ESRRG: variants seen among roughly 807,000 people sequenced by gnomAD.
ESRRG encodes the protein estrogen related receptor gamma.
In ESRRG, 13 loss-of-function variants were observed where a neutral mutation model predicts 44.0. The observed-to-expected ratio is 0.30, with a 90% CI of 0.19 to 0.47. The LOEUF (loss-of-function observed/expected upper bound fraction) is 0.47. Ranked by LOEUF, ESRRG falls within the 20% of genes least tolerant of loss-of-function variation. The pLI, the probability that ESRRG is intolerant of heterozygous loss-of-function variation, is 1.00. For missense variants in ESRRG, 395 were observed against 580.6 expected, an observed-to-expected ratio of 0.68 and a Z score of 3.29; for synonymous variants, 215 against 214.6, an observed-to-expected ratio of 1.00 and a Z score of -0.02.
intron 1 of ESRRG, among the ~76,000 whole-genome samples, chr1:217,071,538 T>G (rs991907919): frequency 5.9e-5 from 9 of 152,196 alleles, no homozygotes; most frequent in African/African-American, 2.2e-4. Context: ...ACATGGTAAG[T>G]GAACAGTAAG....
intron 2 of ESRRG, among the ~76,000 whole-genome samples, chr1:216,775,963 T>C (rs1284528394): frequency 1.3e-5 from 2 of 152,034 alleles, no homozygotes; most frequent in African/African-American, 4.8e-5. Flanking sequence ...CCAACACCAT[T>C]GCAAAAGGCT....
intron 1 of ESRRG, among the ~76,000 whole-genome samples, chr1:216,946,481 G>A (rs2066075987): frequency 1.3e-5 from 2 of 152,102 alleles, no homozygotes; most frequent in Admixed American, 1.3e-4. Context: ...ACCCACATCT[G>A]CATGGATCAA....
intron 1 of ESRRG, among the ~76,000 whole-genome samples, chr1:217,021,347 G>A (rs1028607733): frequency 2.6e-5 from 4 of 152,152 alleles, no homozygotes; most frequent in Non-Finnish European, 4.4e-5. Context: ...GGCTCCTGCA[G>A]GGATCAAACC....
intron 5 of ESRRG, among the ~76,000 whole-genome samples, chr1:216,561,199 C>CT (rs2058668272): frequency 6.6e-6 from 1 of 152,010 alleles, no homozygotes; most frequent in Non-Finnish European, 1.5e-5. Context: ...CCTTCACTTT[C>CT]TTATAAAGAA....
At chr1:216,837,386 G>T (rs2095583183) in intron 2 of ESRRG, among the ~76,000 whole-genome samples, 1 of 146,250 alleles carries the variant, frequency 6.8e-6, no homozygotes, top group African/African-American at 2.6e-5. Context: ...ACTCCAGCCT[G>T]GGCAACACAG....
chr1:217,046,383 C>T (rs2084887256), intron 1 of ESRRG, among the ~76,000 whole-genome samples: 1 of 152,144 alleles, frequency 6.6e-6, no homozygotes, highest in Non-Finnish European at 1.5e-5. Context: ...TAGCCAAGTA[C>T]ACCTAAATTA....
chr1:217,075,589 T>C (rs368458085), intron 1 of ESRRG, among the ~76,000 whole-genome samples: 2,971 of 145,310 alleles, frequency 0.02, 51 homozygotes, highest in African/African-American at 0.047. Context: ...ATTGCTCCTT[T>C]CCCCCCCCCA....
At chr1:216,511,364 T>G (rs1054913433) in intron 6 of ESRRG, among the ~76,000 whole-genome samples, 8 of 152,232 alleles carry the variant, frequency 5.3e-5, no homozygotes, top group Middle Eastern at 3.4e-3. Context: ...CACTGGTTGA[T>G]TGCCATGTCA....
intron 2 of ESRRG, among the ~76,000 whole-genome samples, chr1:216,909,013 G>T (rs1396108179): frequency 6.6e-6 from 1 of 151,994 alleles, no homozygotes; most frequent in Non-Finnish European, 1.5e-5. Context: ...GTCATTTCAG[G>T]CCAGATCCTC....
chr1:216,570,926 C>T (rs1305494748), intron 3 of ESRRG, among the ~76,000 whole-genome samples: 1 of 152,176 alleles, frequency 6.6e-6, no homozygotes, highest in Non-Finnish European at 1.5e-5. Context: ...ACTACATATT[C>T]TCCAACCCAG....
chr1:216,806,800 G>A (rs570883265), intron 2 of ESRRG, among the ~76,000 whole-genome samples: 3 of 152,218 alleles, frequency 2.0e-5, no homozygotes, highest in Admixed American at 2.0e-4. Flanking sequence ...GACAGTGTTC[G>A]GCTGCCCTGG....
intron 1 of ESRRG, among the ~76,000 whole-genome samples, chr1:217,085,725 G>A (rs1171447133): frequency 2.0e-5 from 3 of 151,684 alleles, no homozygotes; most frequent in Non-Finnish European, 4.4e-5. Flanking sequence ...TCCTGACCTC[G>A]TGATCCACCC....
intron 1 of ESRRG, among the ~76,000 whole-genome samples, chr1:217,129,964 T>C (rs2092942494): frequency 6.6e-6 from 1 of 152,102 alleles, no homozygotes; most frequent in East Asian, 1.9e-4. Context: ...ATGATAAATG[T>C]GATGTTACGT....
intron 2 of ESRRG, among the ~76,000 whole-genome samples, chr1:216,742,157 A>C (rs1057253980): frequency 3.9e-5 from 6 of 152,184 alleles, no homozygotes; most frequent in Non-Finnish European, 5.9e-5. Flanking sequence ...TAACCTGAAC[A>C]CACCAAATGC....
rs577801781 is a variant in ESRRG at position 216,840,400 on chromosome 1, G to A, written c.-14+99182C>T. 3.3e-5 allele frequency among the ~76,000 whole-genome samples: 5 copies of A among 152,298 alleles called. No homozygotes were observed. The East Asian group carries it at 9.6e-4, about 29-fold the overall frequency. On this transcript the variant is annotated intron_variant, in intron 2 of 7. Transcript: ENST00000359162. ...GCTTTTGATTAGGCTTTGGCTTAAG[G>A]GAATGTTGTGGCTGGTTTGATCTTC...
rs149847497 is a variant in ESRRG, at chr1:216,662,133, TACA to T, written c.473-11047_473-11045del. ...TATTGATTATAATATTAGCAATAAT[TACA>T]ACATCATTACTGTACTCAGGGAAGG... On this transcript the variant is annotated intron_variant, in intron 2 of 6. Transcript: ENST00000408911. 9.3e-3 allele frequency among the ~76,000 whole-genome samples: 1,415 copies of T among 152,242 alleles called. 22 individuals are homozygous for T. Among genetic ancestry groups the T allele is most frequent in the African/African-American group, 0.032 (1,338 of 41,548 alleles).
intron 1 of ESRRG, among the ~76,000 whole-genome samples, chr1:216,997,333 C>T (rs891842218): frequency 2.6e-5 from 4 of 152,148 alleles, no homozygotes; most frequent in South Asian, 2.1e-4. Context: ...CAGAACATGC[C>T]GCTAGCAGGA....
intron 2 of ESRRG, among the ~76,000 whole-genome samples, chr1:216,795,692 A>T (rs1020770138): frequency 6.6e-6 from 1 of 152,044 alleles, no homozygotes; most frequent in Admixed American, 6.6e-5. Context: ...TAGGAAAACA[A>T]AGGCATTTTA....
chr1:217,010,786 C>A (rs2078457343), intron 1 of ESRRG, among the ~76,000 whole-genome samples: 1 of 152,140 alleles, frequency 6.6e-6, no homozygotes, highest in Admixed American at 6.5e-5. Flanking sequence ...AAACAATGAC[C>A]TTGAATGGAA....
Sources: allele counts gnomAD v4.1 joint callset (sites outside exome capture counted in the v4.1 genomes callset), GRCh38; gene constraint gnomAD v4.1.1; transcripts MANE v1.5; gene names NCBI Gene and HGNC (gene_info 2026-07-23, HGNC 2026-07-21).